Variants in CREB5 observed in about 807,000 individuals in gnomAD.
CREB5 encodes the protein cAMP responsive element binding protein 5, also known as cyclic AMP-responsive element-binding protein 5.
A neutral mutation model predicts 57.1 loss-of-function variants in CREB5; 19 were observed. The ratio of observed to expected loss-of-function variants is 0.33; its 90% CI spans 0.23 to 0.49. The LOEUF (loss-of-function observed/expected upper bound fraction) is 0.49. CREB5 is among the 20% of genes least tolerant of loss of function. CREB5 has a pLI of 0.99. For synonymous variants in CREB5, 238 were observed against 238.3 expected (o/e 1.00, Z 0.01); for missense variants, 579 against 671.6 (o/e 0.86, Z 1.52).
At chr7:28,803,293 A>G (rs73308874) in intron 7 of CREB5, among the ~76,000 whole-genome samples, 55,865 of 152,054 alleles carry the variant, frequency 0.37, 11,250 homozygotes, top group African/African-American at 0.54. Context: ...AAGAAAAATC[A>G]TGGTAACAGA....
intron 7 of CREB5, among the ~76,000 whole-genome samples, chr7:28,756,839 TGAGA>T (rs147283937): frequency 1.3e-5 from 2 of 151,356 alleles, no homozygotes; most frequent in African/African-American, 4.8e-5. Context: ...CAGCAGGTTT[TGAGA>T]GAGAGAGAGA....
chr7:28,466,639 T>C (rs2128579421), intron 1 of CREB5, among the ~76,000 whole-genome samples: 1 of 152,284 alleles, frequency 6.6e-6, no homozygotes, highest in African/African-American at 2.4e-5. Flanking sequence ...TACTCCTGCC[T>C]CATCCCAAAT....
intron 7 of CREB5, among the ~76,000 whole-genome samples, chr7:28,732,104 G>A (rs1803672843): frequency 6.6e-6 from 1 of 152,040 alleles, no homozygotes; most frequent in Admixed American, 6.6e-5. Flanking sequence ...AGCACAGAGG[G>A]GTTTTGAAAC....
At chr7:28,654,931 G>T (rs1799278411) in intron 5 of CREB5, among the ~76,000 whole-genome samples, 1 of 151,964 alleles carries the variant, frequency 6.6e-6, no homozygotes, top group African/African-American at 2.4e-5. Flanking sequence ...TTTTTTTTCA[G>T]ACAGGGTCTG....
intron 5 of CREB5, among the ~76,000 whole-genome samples, chr7:28,636,092 TTTAAG>T (rs1562540328): frequency 1.3e-5 from 2 of 152,376 alleles, no homozygotes; most frequent in East Asian, 1.9e-4. Flanking sequence ...GAGTTCTTTT[TTTAAG>T]TTGAGTGTGC....
chr7:28,693,827 T>C (rs947924581), intron 5 of CREB5, among the ~76,000 whole-genome samples: 4 of 152,242 alleles, frequency 2.6e-5, no homozygotes, highest in African/African-American at 9.6e-5. Flanking sequence ...TTGACTTCTT[T>C]GGAAGTCTGG....
At chr7:28,547,068 T>C (rs1292981317) in intron 4 of CREB5, among the ~76,000 whole-genome samples, 1 of 152,232 alleles carries the variant, frequency 6.6e-6, no homozygotes, top group Non-Finnish European at 1.5e-5. Flanking sequence ...TTTAAATAAT[T>C]TAGTTATGTG....
chr7:28,625,665 A>T (rs1797973190), intron 5 of CREB5, among the ~76,000 whole-genome samples: 1 of 152,126 alleles, frequency 6.6e-6, no homozygotes, highest in African/African-American at 2.4e-5. Flanking sequence ...GAAAAAAGTT[A>T]TGTGTGCTAG....
rs983085399 is a variant in CREB5 at position 28,735,900 on chromosome 7, G to A, written c.702+11568G>A. Among the ~76,000 whole-genome samples, 6 of 151,952 alleles carry A rather than the reference G, an allele frequency of 3.9e-5. No homozygotes were observed. The East Asian group carries it at 1.2e-3, about 29-fold the overall frequency. Reference sequence around the variant, plus strand: ...GCTCACTGCTGCCTCAAATTCTTGAGCTCAAGCGATTCTCCCACCTCAGCT... The same window carrying A: ...GCTCACTGCTGCCTCAAATTCTTGAACTCAAGCGATTCTCCCACCTCAGCT... On this transcript the variant is annotated intron_variant, in intron 7 of 10. Coordinates refer to ENST00000357727, the MANE Select transcript of CREB5 (RefSeq NM_182898.4).
intron 1 of CREB5, among the ~76,000 whole-genome samples, chr7:28,416,670 A>C (rs963857304): frequency 1.3e-5 from 2 of 152,232 alleles, no homozygotes; most frequent in Non-Finnish European, 2.9e-5. Context: ...TCAAGCTTCT[A>C]AAATCATATC....
chr7:28,444,705 C>A (rs892140456), intron 1 of CREB5, among the ~76,000 whole-genome samples: 1 of 152,156 alleles, frequency 6.6e-6, no homozygotes, highest in Non-Finnish European at 1.5e-5. Flanking sequence ...CTGGTCTGCC[C>A]CTGTCGGCAC....
chr7:28,344,995 G>A (rs1241848528), intron 1 of CREB5, among the ~76,000 whole-genome samples: 1 of 152,142 alleles, frequency 6.6e-6, no homozygotes, highest in Non-Finnish European at 1.5e-5. Context: ...CAACATCAGA[G>A]CACCTAAATA....
chr7:28,320,209 C>T (rs1785470112), intron 1 of CREB5, among the ~76,000 whole-genome samples: 1 of 152,096 alleles, frequency 6.6e-6, no homozygotes, highest in South Asian at 2.1e-4. Flanking sequence ...GAATTACAGG[C>T]ATGAGCCACC....
At position 28,773,226 on chromosome 7, in the gene CREB5, C is replaced by G. The variant is rs574405696; in HGVS notation, c.703-30973C>G. 5.3e-5 allele frequency among the ~76,000 whole-genome samples: 8 copies of G among 152,190 alleles called. No homozygotes were observed. The East Asian group carries it at 1.4e-3, about 26-fold the overall frequency. ...TGACTATGTGGAACTCTACCTACCT[C>G]TATTGCCAGGATCTTTTGTGCAGAG... is the stretch of plus-strand genomic sequence containing the variant. On this transcript the variant is annotated intron_variant, in intron 7 of 10. Coordinates refer to ENST00000357727, the MANE Select transcript of CREB5 (RefSeq NM_182898.4).
chr7:28,515,768 C>T (rs184933321), intron 4 of CREB5, among the ~76,000 whole-genome samples: 2 of 152,112 alleles, frequency 1.3e-5, no homozygotes, highest in African/African-American at 4.8e-5. Context: ...TGGGTTATTG[C>T]TGCGAATTCT....
At chr7:28,750,658 T>G (rs1381301193) in intron 7 of CREB5, among the ~76,000 whole-genome samples, 1 of 152,190 alleles carries the variant, frequency 6.6e-6, no homozygotes, top group Non-Finnish European at 1.5e-5. Flanking sequence ...GTATTTTAAT[T>G]GGTAAAAGAT....
intron 7 of CREB5, among the ~76,000 whole-genome samples, chr7:28,800,128 T>A (rs994881235): frequency 6.6e-6 from 1 of 152,218 alleles, no homozygotes; most frequent in African/African-American, 2.4e-5. Context: ...ACTCAAATTA[T>A]ATCGCTACAA....
chr7:28,514,019 T>C (rs947152608), intron 4 of CREB5, among the ~76,000 whole-genome samples: 6 of 152,276 alleles, frequency 3.9e-5, no homozygotes, highest in African/African-American at 1.4e-4. Flanking sequence ...TCGATGTAGA[T>C]GATGAGAGCA....
At chr7:28,401,794 G>C (rs1006060436) in intron 1 of CREB5, among the ~76,000 whole-genome samples, 3 of 152,114 alleles carry the variant, frequency 2.0e-5, no homozygotes, top group African/African-American at 4.8e-5. Context: ...GCCACATTTT[G>C]TTAATCCAGT....
Sources: gnomAD v4.1 joint callset for allele counts (sites outside exome capture counted in the v4.1 genomes callset) on GRCh38, gnomAD v4.1.1 for gene constraint, MANE v1.5 for transcripts, NCBI Gene and HGNC (gene_info 2026-07-23, HGNC 2026-07-21) for gene names.